Variants in EPRS1 observed in about 807,000 individuals in gnomAD.
EPRS1 encodes bifunctional glutamate/proline--tRNA ligase.
In EPRS1, 107 loss-of-function variants were observed where a neutral mutation model predicts 188.3. The observed-to-expected ratio is 0.57, with a 90% CI of 0.49 to 0.67. EPRS1 has a LOEUF of 0.67. Among genes scored for constraint, EPRS1 ranks in the 30% least tolerant of loss-of-function variants. The pLI, the probability that EPRS1 is intolerant of heterozygous loss-of-function variation, is 0.00. For missense variants in EPRS1, 1,577 were observed against 1,802.2 expected (o/e 0.88, Z 2.26); for synonymous variants, 596 against 593.1 (o/e 1.00, Z -0.07).
rs766883803 is a variant in EPRS1, at chr1:219,988,704, T to C, written c.2661A>G (p.Pro887=). 1 of 1,613,968 alleles carries C rather than the reference T, an allele frequency of 6.2e-7. No individual in the cohort carries two copies. Among genetic ancestry groups the C allele is most frequent in the South Asian group, 1.1e-5 (1 of 91,080 alleles). ...AACCAGCAGGTTCAGAATTTCTGGT[T>C]GGGCTTGAATCCGAACTTTGAGATA... ...PPLSQSSDSS[P]TRNSEPAGLE... Residue 887 remains proline, a synonymous_variant, in exon 19 of 32, where the codon CCA becomes CCG. Coordinates refer to ENST00000366923, the MANE Select transcript of EPRS1 (RefSeq NM_004446.3).
Position 219,988,817 on chromosome 1 carries a change from T to C in EPRS1, c.2548A>G (p.Ile850Val), listed in dbSNP as rs372022042. 6.3e-7 allele frequency: 1 copy of C among 1,579,618 alleles called. No homozygotes were observed. The highest frequency in any genetic ancestry group is 8.6e-7 in the Non-Finnish European group (1 of 1,162,114). Residue 850 changes from isoleucine to valine, a missense_variant, in exon 19 of 32, where the codon ATA (isoleucine) becomes GTA (valine). Ile to Val is a conservative substitution (Grantham distance 29, BLOSUM62 3). Coordinates refer to ENST00000366923, the MANE Select transcript of EPRS1 (RefSeq NM_004446.3). ...AGTAAGCATTCTACAGCTTCATTTA[T>C]TTTAGCCTAAAATAAAAGAGAGAAA... ...LKAEKSPKAK[I>V]NEAVECLLSL...
At chr1:219,993,353 T>G (rs1661161088) in intron 18 of EPRS1, among the ~76,000 whole-genome samples, 1 of 152,230 alleles carries the variant, frequency 6.6e-6, no homozygotes, top group Non-Finnish European at 1.5e-5. Flanking sequence ...CATTATTTTA[T>G]GCAGCAACCT....
intron 7 of EPRS1, 124 bp from the exon 8 acceptor site, chr1:220,024,580 G>T (rs900456647): frequency 1.3e-4 from 81 of 610,222 alleles, no homozygotes; most frequent in Non-Finnish European, 1.7e-4. Flanking sequence ...CCTGAAAATG[G>T]TTGTGGAAGT....
intron 12 of EPRS1, 35 bp downstream of exon 12, chr1:220,018,414 C>T (rs1661785248): frequency 1.3e-6 from 2 of 1,499,676 alleles, no homozygotes; most frequent in East Asian, 4.5e-5. Context: ...GGGACTTAAG[C>T]ATGAGAAAAG....
chr1:219,969,206 ACTGGC>A, intron 30 of EPRS1, 84 bp from the exon 31 acceptor site: 12 of 987,116 alleles, frequency 1.2e-5, no homozygotes, highest in Admixed American at 9.7e-5. Context: ...TCTATATTAA[ACTGGC>A]AAGCAAAAAG....
chr1:220,043,012 T>C (rs745341350), intron 1 of EPRS1, among the ~76,000 whole-genome samples: 4 of 152,270 alleles, frequency 2.6e-5, no homozygotes, highest in Non-Finnish European at 5.9e-5. Context: ...AGTATTATCC[T>C]AGGCACATAT....
chr1:220,019,781 C>T (rs1661825947), intron 10 of EPRS1, among the ~76,000 whole-genome samples: 1 of 152,132 alleles, frequency 6.6e-6, no homozygotes, highest in African/African-American at 2.4e-5. Context: ...ATTCCATGAT[C>T]CCCAGTGGGC....
At chr1:220,010,808 CAAAAAA>C in intron 13 of EPRS1, 132 bp downstream of exon 13, 2 of 410,928 alleles carry the variant, frequency 4.9e-6, no homozygotes, top group South Asian at 2.6e-5. Flanking sequence ...GACTACGTCT[CAAAAAA>C]AAAAAAAAAA....
intron 6 of EPRS1, among the ~76,000 whole-genome samples, chr1:220,027,006 C>T (rs1661985391): frequency 6.6e-6 from 1 of 152,028 alleles, no homozygotes; most frequent in Non-Finnish European, 1.5e-5. Flanking sequence ...TTAAGAAGGG[C>T]TTGGGCCGGG....
intron 27 of EPRS1, 47 bp downstream of exon 27, chr1:219,979,371 G>A (rs1245423184): frequency 7.1e-7 from 1 of 1,416,012 alleles, no homozygotes. Flanking sequence ...TAGTAAATAT[G>A]GCTTGTATTT....
chr1:220,007,090 G>A, intron 14 of EPRS1, 112 bp downstream of exon 14: 3 of 900,894 alleles, frequency 3.3e-6, no homozygotes, highest in South Asian at 2.1e-5. Context: ...TGTCTGGGCA[G>A]ATTTACTAGT....
intron 12 of EPRS1, among the ~76,000 whole-genome samples, chr1:220,014,770 T>C (rs1443454678): frequency 1.0e-5 from 1 of 97,114 alleles, no homozygotes; most frequent in East Asian, 3.8e-4. Flanking sequence ...CAACTCTCAT[T>C]CTTCAGGCTT....
At chr1:220,014,798 C>G (rs995909933) in intron 12 of EPRS1, among the ~76,000 whole-genome samples, 9 of 151,972 alleles carry the variant, frequency 5.9e-5, no homozygotes, top group African/African-American at 2.2e-4. Context: ...CTCTTTATTT[C>G]CCCACATTAA....
rs1474534096 is a variant in EPRS1 at position 220,007,248 on chromosome 1, C to T, written c.1696G>A (p.Val566Ile). The change falls in exon 14 of 32, where the codon GTT becomes ATT. Residue 566 changes from valine (V) to isoleucine (I), a missense_variant. Val to Ile is a conservative substitution (Grantham distance 29, BLOSUM62 3). Transcript: ENST00000366923. ...AGGTTGCCCCAATTTATAAATGTAA[C>T]CATCTCACCCTCCGAAAAAGTCTCT... ...DAETFSEGEM[V>I]TFINWGNLNI... The T allele has an allele frequency of 3.7e-6, 6 of 1,613,692 alleles. No homozygotes were observed. Among genetic ancestry groups the T allele is most frequent in the Non-Finnish European group, 5.1e-6 (6 of 1,179,794 alleles).
At chr1:219,975,951 T>A (rs558825148) in intron 28 of EPRS1, among the ~76,000 whole-genome samples, 1 of 152,088 alleles carries the variant, frequency 6.6e-6, no homozygotes, top group African/African-American at 2.4e-5. Flanking sequence ...CAGCACTAAA[T>A]ACCATTCTCC....
intron 2 of EPRS1, among the ~76,000 whole-genome samples, chr1:220,038,753 T>A (rs1476504912): frequency 6.6e-6 from 1 of 152,002 alleles, no homozygotes; most frequent in Non-Finnish European, 1.5e-5. Context: ...ATCATCAGAA[T>A]AAATGGACCA....
intron 1 of EPRS1, among the ~76,000 whole-genome samples, chr1:220,045,869 C>T (rs1306288784): frequency 6.6e-6 from 1 of 152,128 alleles, no homozygotes; most frequent in East Asian, 1.9e-4. Flanking sequence ...GAAAATTTGA[C>T]TCAAGTGAAC....
chr1:220,046,046 T>TGG (rs1662395564), intron 1 of EPRS1, among the ~76,000 whole-genome samples: 1 of 152,220 alleles, frequency 6.6e-6, no homozygotes. Context: ...GTGAGTTGAC[T>TGG]GGGAGTTCAT....
intron 18 of EPRS1, among the ~76,000 whole-genome samples, chr1:219,990,221 C>T (rs888355481): frequency 1.3e-5 from 2 of 151,556 alleles, no homozygotes; most frequent in Admixed American, 6.6e-5. Flanking sequence ...CAATGAGATA[C>T]TCTTAATAAA....
Sources: allele counts gnomAD v4.1 joint callset (sites outside exome capture counted in the v4.1 genomes callset), GRCh38; gene constraint gnomAD v4.1.1; transcripts MANE v1.5; gene names NCBI Gene and HGNC (gene_info 2026-07-23, HGNC 2026-07-21).